The following TKTL1 variants were observed in gnomAD, a reference collection of about 807,000 sequenced individuals.
TKTL1 encodes the protein transketolase like 1, also known as transketolase-like protein 1.
Under a neutral mutation model 39.3 loss-of-function variants are expected in TKTL1, and 1 was observed. The ratio of observed to expected loss-of-function variants is 0.03; its 90% confidence interval spans 0.01 to 0.12. The LOEUF (loss-of-function observed/expected upper bound fraction) is 0.12, where lower values mean the gene tolerates loss of function less well. Ranked by LOEUF, TKTL1 falls within the 10% of genes least tolerant of loss-of-function variation. The pLI, the probability that TKTL1 is intolerant of heterozygous loss-of-function variation, is 1.00. For synonymous variants in TKTL1, 262 were observed against 193.8 expected (o/e 1.35, Z -2.92); for missense variants, 575 against 509.6 (o/e 1.13, Z -1.24).
At chrX:154,303,272 G>T (rs1557166382) in intron 1 of TKTL1, among the ~76,000 whole-genome samples, 1 of 103,783 alleles carries the variant, frequency 9.6e-6, no homozygotes, top group African/African-American at 3.5e-5. Flanking sequence ...AGGTGCAGTG[G>T]CGTGATCATG....
Position 154,303,562 on chromosome X carries a change from C to G in TKTL1, c.135-1742C>G, listed in dbSNP as rs1454351692. Among the ~76,000 whole-genome samples the G allele has an allele frequency of 7.6e-5, 8 of 104,833 alleles. No individual in the cohort carries two copies. In the East Asian group the frequency reaches 2.4e-3, roughly 31 times the overall value. The allele number at this position is 104,833 out of a possible 115,157, so 91.0% of individuals were successfully genotyped here. A position where few individuals can be genotyped will look rare whatever the true frequency, so the allele number is the denominator to read the frequency against. On this transcript the variant is annotated intron_variant, in intron 1 of 12. Transcript: ENST00000369915. ...TCCTTTTTATCATTCCCTCTTCCCT[C>G]GTCTTCCTTGGCTTTCCTCCTCACA...
intron 6 of TKTL1, 33 bp downstream of exon 6, chrX:154,312,806 G>T (rs2067368823): frequency 8.7e-7 from 1 of 1,147,459 alleles, no homozygotes; most frequent in African/African-American, 1.8e-5. Flanking sequence ...GAATAAATCA[G>T]ATACGTCAAC....
In TKTL1 at chrX:154,312,746, T is replaced by C; in HGVS notation, c.837T>C (p.Ser279=). 1.7e-6 allele frequency: 2 copies of C among 1,206,973 alleles called. No homozygotes were observed. The highest frequency in any genetic ancestry group is 2.2e-6 in the Non-Finnish European group (2 of 893,537). The change falls in exon 6 of 13, where the codon TCT becomes TCC. Residue 279 remains serine (S), a synonymous_variant. Transcript: ENST00000369915. The part of the protein sequence containing the change: ...EVNITDVRMT[S]PPDYRVGDKI... ...ACATCACAGATGTAAGGATGACCTC[T>C]CCACCTGATTACAGAGTTGGTGACA...
intron 2 of TKTL1, among the ~76,000 whole-genome samples, chrX:154,306,529 A>G (rs782640168): frequency 8.9e-6 from 1 of 112,328 alleles, no homozygotes; most frequent in Non-Finnish European, 1.9e-5. Context: ...GATGAAGTAA[A>G]TGCCTTCCAT....
chrX:154,315,229 C>T lies in TKTL1; in HGVS notation c.921C>T (p.Asn307=), dbSNP rs782199713. 7 of 1,211,657 alleles carry T rather than the reference C, an allele frequency of 5.8e-6. No homozygotes were observed. Among genetic ancestry groups the T allele is most frequent in the South Asian group, 1.8e-5 (1 of 56,978 alleles). The change falls in exon 7 of 13, where the codon AAC becomes AAT. Residue 307 remains asparagine, a synonymous_variant. Coordinates refer to ENST00000369915, the MANE Select transcript of TKTL1 (RefSeq NM_012253.4). ...LALAKLGYAN[N]RVVVLDGDTR... is the part of the protein sequence containing the mutation. ...TGGCTAAGCTGGGCTACGCGAACAACAGAGTCGTTGTGCTGGATGGTGACA... is the reference window on the plus strand; with the variant it reads ...TGGCTAAGCTGGGCTACGCGAACAATAGAGTCGTTGTGCTGGATGGTGACA...
chrX:154,326,333 T>A (rs2067493452), intron 10 of TKTL1, among the ~76,000 whole-genome samples: 2 of 112,294 alleles, frequency 1.8e-5, no homozygotes, highest in Non-Finnish European at 3.8e-5. Context: ...AATAAGTGAC[T>A]CTGCTCATCA....
At chrX:154,317,939 G>A (rs1467722841) in intron 7 of TKTL1, among the ~76,000 whole-genome samples, 1 of 112,062 alleles carries the variant, frequency 8.9e-6, no homozygotes, top group African/African-American at 3.2e-5. Context: ...TGTACAGAGG[G>A]GAGACAGTGG....
intron 6 of TKTL1, among the ~76,000 whole-genome samples, chrX:154,314,275 A>T (rs2067380153): frequency 1.8e-5 from 2 of 112,073 alleles, no homozygotes; most frequent in Non-Finnish European, 3.8e-5. Context: ...AATGTGACAA[A>T]GCTAGCCTAA....
chrX:154,299,229 T>G (rs1356950498), intron 1 of TKTL1, among the ~76,000 whole-genome samples: 1 of 100,219 alleles, frequency 1.0e-5, no homozygotes, highest in African/African-American at 3.7e-5. Context: ...AATCTAGGCT[T>G]ACCACAACCT....
rs782170323 is a variant in TKTL1, at chrX:154,305,327, C to G, written c.158C>G (p.Ser53Cys). The G allele has an allele frequency of 8.3e-7, 1 of 1,208,759 alleles. No homozygotes were observed. Residue 53 changes from serine to cysteine, a missense_variant, in exon 2 of 13, where the codon TCT (serine) becomes TGT (cysteine). Transcript: ENST00000369915. ...SSGHPTSCSSSSEIMSVLFFY... is the reference protein window; with the variant it reads ...SSGHPTSCSSCSEIMSVLFFY... Reference sequence around the variant, plus strand: ...AGCCACCCTACATCATGTAGCAGTTCTTCTGAGATCATGTCTGTGCTGTTC... The same window carrying G: ...AGCCACCCTACATCATGTAGCAGTTGTTCTGAGATCATGTCTGTGCTGTTC...
intron 1 of TKTL1, among the ~76,000 whole-genome samples, chrX:154,303,947 C>T (rs1557166597): frequency 1.8e-5 from 2 of 108,926 alleles, no homozygotes; most frequent in Non-Finnish European, 3.8e-5. Flanking sequence ...TGTGATTTTC[C>T]AAAGTAGAAA....
chrX:154,323,271 C>T lies in TKTL1; in HGVS notation c.1251C>T (p.Cys417=). ...DIAMFRTIPK[C]TIFYPTDAVS... is the part of the protein sequence containing the mutation. ...CCATGTTCCGAACCATTCCCAAGTG[C>T]ACGATCTTCTACCCAACTGATGCCG... is the stretch of plus-strand genomic sequence containing the variant. Residue 417 remains cysteine, a synonymous_variant, in exon 9 of 13, where the codon TGC becomes TGT. Coordinates refer to ENST00000369915, the MANE Select transcript of TKTL1 (RefSeq NM_012253.4). 1.7e-6 allele frequency: 2 copies of T among 1,211,420 alleles called. No homozygotes were observed. The highest frequency in any genetic ancestry group is 1.8e-5 in the South Asian group (1 of 56,971).
At position 154,329,898 on chromosome X, in the gene TKTL1, T is replaced by C. The variant is rs1226579030; in HGVS notation, c.*210T>C. ...AGTACCGCTCTAATTTTTGGATCAT[T>C]AAAGGGAGTTACACAACTTTTAAGT... On this transcript the variant is annotated 3_prime_UTR_variant, in exon 13 of 13. Coordinates refer to ENST00000369915, the MANE Select transcript of TKTL1 (RefSeq NM_012253.4). The C allele has an allele frequency of 1.3e-5, 5 of 374,493 alleles. No individual in the cohort carries two copies. The highest frequency in any genetic ancestry group is 2.2e-5 in the Non-Finnish European group (5 of 223,374). 30.9% of individuals were successfully genotyped at this position (374,493 alleles called of 1,213,427 possible).
At chrX:154,325,516 T>A (rs1569551167) in intron 10 of TKTL1, 94 bp downstream of exon 10, 1 of 778,642 alleles carries the variant, frequency 1.3e-6, no homozygotes, top group Non-Finnish European at 1.9e-6. Context: ...AGTTGAGACA[T>A]CATCCTTTCT....
At chrX:154,314,049 C>G (rs1279454362) in intron 6 of TKTL1, among the ~76,000 whole-genome samples, 1 of 110,433 alleles carries the variant, frequency 9.1e-6, no homozygotes, top group Non-Finnish European at 1.9e-5. Flanking sequence ...TCAAAATTGA[C>G]TAAAAGAGGT....
At chrX:154,301,601 C>A (rs2067273986) in intron 1 of TKTL1, among the ~76,000 whole-genome samples, 1 of 112,357 alleles carries the variant, frequency 8.9e-6, no homozygotes, top group Non-Finnish European at 1.9e-5. Context: ...CCATATATGT[C>A]TGAATTTTTT....
chrX:154,326,772 T>A (rs1357581221), intron 10 of TKTL1, among the ~76,000 whole-genome samples: 1 of 112,755 alleles, frequency 8.9e-6, no homozygotes, highest in East Asian at 2.8e-4. Flanking sequence ...GCAAGTAAAT[T>A]TACTGATAGT....
At position 154,305,311 on chromosome X, in the gene TKTL1, A is replaced by G; in HGVS notation, c.142A>G (p.Thr48Ala). 8.3e-7 allele frequency: 1 copy of G among 1,206,710 alleles called. No individual in the cohort carries two copies. Among genetic ancestry groups the G allele is most frequent in the Non-Finnish European group, 1.1e-6 (1 of 891,522 alleles). The change falls in exon 2 of 13, where the codon ACA becomes GCA. Residue 48 changes from threonine to alanine, a missense_variant. By Grantham distance (58) the Thr-to-Ala change is moderately conservative. Transcript: ENST00000369915. ...GTCATGTCTGTCTTTCAGCCACCCT[A>G]CATCATGTAGCAGTTCTTCTGAGAT... ...ATCSTSSGHP[T>A]SCSSSSEIMS...
rs781919767 is a variant in TKTL1, at chrX:154,323,288, C to T, written c.1268C>T (p.Thr423Ile). ...TIPKCTIFYP[T>I]DAVSTEHAVA... ...CCCAAGTGCACGATCTTCTACCCAA[C>T]TGATGCCGTCTCCACGGAGCATGCT... The change falls in exon 9 of 13, where the codon ACT becomes ATT. Residue 423 changes from threonine (T) to isoleucine (I), a missense_variant. Coordinates refer to ENST00000369915, the MANE Select transcript of TKTL1 (RefSeq NM_012253.4). The T allele has an allele frequency of 5.0e-6, 6 of 1,209,935 alleles. No homozygotes were observed. Among genetic ancestry groups the T allele is most frequent in the Middle Eastern group, 2.3e-4 (1 of 4,375 alleles).
Sources: gnomAD v4.1 joint callset for allele counts (sites outside exome capture counted in the v4.1 genomes callset) on GRCh38, gnomAD v4.1.1 for gene constraint, MANE v1.5 for transcripts, NCBI Gene and HGNC (gene_info 2026-07-23, HGNC 2026-07-21) for gene names.